CA6: variants seen among roughly 807,000 people sequenced by gnomAD.
CA6 encodes carbonic anhydrase 6, also known as carbonate dehydratase VI.
Under a neutral mutation model 35.9 loss-of-function variants are expected in CA6, and 28 were observed. That is an observed-to-expected ratio of 0.78 (90% confidence interval 0.58 to 1.07). The LOEUF (loss-of-function observed/expected upper bound fraction) is 1.07. Ranked by LOEUF, CA6 falls within the 50% of genes least tolerant of loss-of-function variation. CA6 has a pLI of 0.00. For synonymous variants in CA6, 148 were observed against 152.6 expected (o/e 0.97, Z 0.22); for missense variants, 377 against 382.0 (o/e 0.99, Z 0.11).
intron 3 of CA6, among the ~76,000 whole-genome samples, chr1:8,958,073 C>T (rs1639738079): frequency 1.3e-5 from 2 of 152,202 alleles, no homozygotes; most frequent in South Asian, 4.1e-4. Context: ...CAGGCAAGGT[C>T]CTGCCCTCAC....
At position 8,972,004 on chromosome 1, in the gene CA6, G is replaced by C. The variant is rs1640122201; in HGVS notation, c.844+1023G>C. 1.3e-5 allele frequency among the ~76,000 whole-genome samples: 2 copies of C among 152,148 alleles called. 1 individual carries two copies. Among genetic ancestry groups the C allele is most frequent in the South Asian group, 4.1e-4 (2 of 4,826 alleles). On this transcript the variant is annotated intron_variant, in intron 7 of 7. Coordinates refer to ENST00000377443, the MANE Select transcript of CA6 (RefSeq NM_001215.4). ...TGATACCTTTATATTTTCCAATACA[G>C]TAGAATCAGTATCCTATCAATATTG...
At position 8,956,171 on chromosome 1, in the gene CA6, C is replaced by A. The variant is rs529132769; in HGVS notation, c.260-966C>A. On this transcript the variant is annotated intron_variant, in intron 2 of 7. Transcript: ENST00000377443. ...CCAGGAGGCGGAGGTTGCAGTGAGC[C>A]TAGATCATGCCACTGCACTCCAGCC... Among the ~76,000 whole-genome samples, 15 of 151,790 alleles carry A rather than the reference C, an allele frequency of 9.9e-5. No individual in the cohort carries two copies. The East Asian group carries it at 2.9e-3, about 30-fold the overall frequency.
At chr1:8,957,702 A>T (rs1639726540) in intron 3 of CA6, among the ~76,000 whole-genome samples, 1 of 149,316 alleles carries the variant, frequency 6.7e-6, no homozygotes, top group South Asian at 2.1e-4. Flanking sequence ...TAATTCCATC[A>T]CTTTGGGAGG....
At chr1:8,958,564 C>T (rs769473969) in intron 3 of CA6, among the ~76,000 whole-genome samples, 1 of 152,218 alleles carries the variant, frequency 6.6e-6, no homozygotes, top group Non-Finnish European at 1.5e-5. Flanking sequence ...CGCAAGCTCA[C>T]TCTCCCTGCA....
chr1:8,974,648 T>C lies in CA6; in HGVS notation c.871T>C (p.Phe291Leu), dbSNP rs1479297898. The change falls in exon 8 of 8, where the codon TTT becomes CTT. Residue 291 changes from phenylalanine to leucine, a missense_variant. Transcript: ENST00000377443. ...QEYTLGSEFQ[F>L]YLHKIEEILD... ...ATACACTCTAGGCTCTGAATTCCAG[T>C]TTTACCTACATAAGATTGAGGAAAT... is the stretch of plus-strand genomic sequence containing the variant. 6.2e-7 allele frequency: 1 copy of C among 1,607,176 alleles called. No homozygotes were observed. Among genetic ancestry groups the C allele is most frequent in the Non-Finnish European group, 8.5e-7 (1 of 1,175,864 alleles).
rs1160113930 is a variant in CA6 at position 8,951,295 on chromosome 1, G to A, written c.259+1853G>A. 1.4e-5 allele frequency: 8 copies of A among 590,732 alleles called. No homozygotes were observed. The Admixed American group carries it at 2.1e-4, about 15-fold the overall frequency. The allele number at this position is 590,732 out of a possible 1,614,324, so 36.6% of individuals were successfully genotyped here. A position where few individuals can be genotyped will look rare whatever the true frequency, so the allele number is the denominator to read the frequency against. ...TGAAAGTAGCAAATTGGAGAATGAA[G>A]CTCTGTCTGTAAAAGGACTCAGGTT... On this transcript the variant is annotated intron_variant, in intron 2 of 7. Coordinates refer to ENST00000377443, the MANE Select transcript of CA6 (RefSeq NM_001215.4).
At chr1:8,954,121 C>CT (rs1639612045) in intron 2 of CA6, among the ~76,000 whole-genome samples, 1 of 151,688 alleles carries the variant, frequency 6.6e-6, no homozygotes, top group African/African-American at 2.4e-5. Context: ...CAACCAGCTG[C>CT]CCTTGGGGCT....
intron 6 of CA6, among the ~76,000 whole-genome samples, chr1:8,969,192 A>G (rs187325960): frequency 1.8e-3 from 272 of 151,938 alleles, no homozygotes; most frequent in African/African-American, 6.3e-3. Context: ...GTGTGAACCT[A>G]TAATCCCAGC....
chr1:8,962,783 T>G, intron 5 of CA6, 127 bp downstream of exon 5: 1 of 770,088 alleles, frequency 1.3e-6, no homozygotes, highest in Non-Finnish European at 2.3e-6. Flanking sequence ...GCCAAGGGAG[T>G]CCATCCCTCC....
chr1:8,947,765 G>T (rs1001419975), intron 1 of CA6, among the ~76,000 whole-genome samples: 1 of 152,008 alleles, frequency 6.6e-6, no homozygotes, highest in Non-Finnish European at 1.5e-5. Context: ...CTGGGCCAAA[G>T]CATCTTGCTC....
chr1:8,948,742 G>A (rs999435191), intron 1 of CA6, among the ~76,000 whole-genome samples: 2 of 152,028 alleles, frequency 1.3e-5, no homozygotes, highest in African/African-American at 2.4e-5. Flanking sequence ...GGCCAAGGTG[G>A]GTGGATCACC....
At chr1:8,959,137 T>C (rs1639767302) in intron 4 of CA6, 135 bp downstream of exon 4, 5 of 635,446 alleles carry the variant, frequency 7.9e-6, no homozygotes, top group Admixed American at 2.8e-5. Flanking sequence ...CTTGGAAACA[T>C]TGACTCGATG....
At position 8,962,066 on chromosome 1, in the gene CA6, C is replaced by T. The variant is rs544102250; in HGVS notation, c.502-521C>T. 3.5e-4 allele frequency among the ~76,000 whole-genome samples: 53 copies of T among 152,122 alleles called. 1 individual carries two copies. Among genetic ancestry groups the T allele is most frequent in the Non-Finnish European group, 5.9e-5 (4 of 68,006 alleles). On this transcript the variant is annotated intron_variant, in intron 4 of 7. Coordinates refer to ENST00000377443, the MANE Select transcript of CA6 (RefSeq NM_001215.4). The stretch of plus-strand genomic sequence containing the variant: ...ACCCACCTGGCCAACATGGTGAAAC[C>T]CCATCTCTACTAAAAATACAAAAAA...
chr1:8,970,683 TAGAGA>T (rs1226093070), intron 6 of CA6, among the ~76,000 whole-genome samples, 179 bp from the exon 7 acceptor site: 2 of 151,988 alleles, frequency 1.3e-5, no homozygotes, highest in Non-Finnish European at 2.9e-5. Flanking sequence ...TAATTTTTAG[TAGAGA>T]AGAGGTTTCA....
Position 8,974,738 on chromosome 1 carries a change from C to T in CA6, c.*34C>T. Reference sequence around the variant, plus strand: ...AAGAGGAAGATTCAATATTAACTAGCTTGAAGCCTGACCTAGCCAGAAGTG... The same window carrying T: ...AAGAGGAAGATTCAATATTAACTAGTTTGAAGCCTGACCTAGCCAGAAGTG... On this transcript the variant is annotated 3_prime_UTR_variant, in exon 8 of 8. Coordinates refer to ENST00000377443, the MANE Select transcript of CA6 (RefSeq NM_001215.4). 7.2e-7 allele frequency: 1 copy of T among 1,396,198 alleles called. No individual in the cohort carries two copies. The highest frequency in any genetic ancestry group is 9.8e-7 in the Non-Finnish European group (1 of 1,017,650). The allele number at this position is 1,396,198 out of a possible 1,614,324, so 86.5% of individuals were successfully genotyped here.
chr1:8,973,716 CTT>C (rs945305308), intron 7 of CA6, among the ~76,000 whole-genome samples: 2 of 9,268 alleles, frequency 2.2e-4, no homozygotes, highest in African/African-American at 5.8e-4. Context: ...CTCTCTCTTT[CTT>C]TCTTTCTTTC....
At chr1:8,971,541 C>T (rs565985421) in intron 7 of CA6, among the ~76,000 whole-genome samples, 28 of 152,060 alleles carry the variant, frequency 1.8e-4, no homozygotes, top group African/African-American at 6.5e-4. Context: ...AAACTCCTGA[C>T]CTCAGGTGAT....
At position 8,966,983 on chromosome 1, in the gene CA6, T is replaced by TA. The variant is rs143943561; in HGVS notation, c.572-674dup. Among the ~76,000 whole-genome samples the TA allele has an allele frequency of 8.1e-3, 975 of 119,806 alleles. 11 individuals carry two copies. The highest frequency in any genetic ancestry group is 0.028 in the African/African-American group (931 of 33,126). The allele number at this position is 119,806 out of a possible 152,430, so 78.6% of individuals were successfully genotyped here. A position where few individuals can be genotyped will look rare whatever the true frequency, so the allele number is the denominator to read the frequency against. ...ATTCTGCATTTATTATTTAAAAAAA[T>TA]AATAAAAAAAACAACTTATTGTAGA... On this transcript the variant is annotated intron_variant, in intron 5 of 7. Transcript: ENST00000377443.
At chr1:8,955,642 C>A (rs773387651) in intron 2 of CA6, among the ~76,000 whole-genome samples, 1 of 150,478 alleles carries the variant, frequency 6.6e-6, no homozygotes, top group Non-Finnish European at 1.5e-5. Flanking sequence ...GGCCCTTCCA[C>A]GCCTCCTTTT....
Sources: allele counts gnomAD v4.1 joint callset (sites outside exome capture counted in the v4.1 genomes callset), GRCh38; gene constraint gnomAD v4.1.1; transcripts MANE v1.5; gene names NCBI Gene and HGNC (gene_info 2026-07-23, HGNC 2026-07-21).